PKHD1: variants seen among roughly 807,000 people sequenced by gnomAD.
PKHD1 encodes the protein PKHD1 ciliary IPT domain containing fibrocystin/polyductin.
In PKHD1, 291 loss-of-function variants were observed where a neutral mutation model predicts 412.0. The observed-to-expected ratio is 0.71, with a 90% CI of 0.64 to 0.78. The LOEUF is 0.78. Ranked by LOEUF, PKHD1 falls within the 30% of genes least tolerant of loss-of-function variation. The pLI, the probability that PKHD1 is intolerant of heterozygous loss-of-function variation, is 0.00. For missense variants in PKHD1, 4,825 were observed against 4,950.7 expected, an observed-to-expected ratio of 0.97 and a Z score of 0.76; for synonymous variants, 1,777 against 1,821.5, an observed-to-expected ratio of 0.98 and a Z score of 0.62.
At chr6:51,797,090 A>T (rs1283773540) in intron 52 of PKHD1, among the ~76,000 whole-genome samples, 3 of 152,154 alleles carry the variant, frequency 2.0e-5, no homozygotes, top group Non-Finnish European at 4.4e-5. Flanking sequence ...CTGGGATGAC[A>T]GCTGTGAGCC....
chr6:51,881,508 ATCT>A, intron 46 of PKHD1, among the ~76,000 whole-genome samples: 1 of 152,304 alleles, frequency 6.6e-6, no homozygotes, highest in South Asian at 2.1e-4. Flanking sequence ...TAACCAAATA[ATCT>A]TCTCTTTCCA....
chr6:51,619,423 T>C lies in PKHD1; in HGVS notation c.11883A>G (p.Arg3961=), dbSNP rs1165946143. ...SRRKVSRHIV[R]EEEAAVPAPG... Reference sequence around the variant, plus strand: ...GAGCAGGCACAGCAGCCTCTTCCTCTCGGACAATGTGGCGGCTAACTTTCC... The same window carrying C: ...GAGCAGGCACAGCAGCCTCTTCCTCCCGGACAATGTGGCGGCTAACTTTCC... The change falls in exon 67 of 67, where the codon CGA becomes CGG. Residue 3961 remains arginine, a synonymous_variant. Transcript: ENST00000371117. 5.0e-6 allele frequency: 8 copies of C among 1,613,680 alleles called. No homozygotes were observed. In the African/African-American group the frequency reaches 9.3e-5, roughly 19 times the overall value.
chr6:51,625,941 C>T (rs1167359955), intron 66 of PKHD1, among the ~76,000 whole-genome samples: 3 of 152,170 alleles, frequency 2.0e-5, no homozygotes, highest in Non-Finnish European at 4.4e-5. Flanking sequence ...AATAGCACTC[C>T]CAACCACACC....
intron 52 of PKHD1, among the ~76,000 whole-genome samples, chr6:51,813,328 T>C (rs967904790): frequency 2.0e-5 from 3 of 152,182 alleles, no homozygotes; most frequent in African/African-American, 7.2e-5. Context: ...ATACTGTGCC[T>C]GGAACATTAA....
Position 51,654,279 on chromosome 6 carries a change from A to G in PKHD1, c.11174+4673T>C, listed in dbSNP as rs139168173. 9.9e-5 allele frequency among the ~76,000 whole-genome samples: 15 copies of G among 152,272 alleles called. No individual in the cohort carries two copies. The East Asian group carries it at 2.9e-3, about 29-fold the overall frequency. ...GATTAATGGCTAAGCAGCTTCATAG[A>G]GAATTAATGATTTATTTGTAATAGA... On this transcript the variant is annotated intron_variant, in intron 61 of 66. Coordinates refer to ENST00000371117, the MANE Select transcript of PKHD1 (RefSeq NM_138694.4).
intron 63 of PKHD1, among the ~76,000 whole-genome samples, chr6:51,644,039 C>T (rs1769745563): frequency 1.3e-5 from 2 of 152,056 alleles, no homozygotes; most frequent in African/African-American, 4.8e-5. Context: ...TAAGACGAAG[C>T]AAGCTTTAAA....
rs1309748181 is a variant in PKHD1 at position 51,748,180 on chromosome 6, C to T, written c.9436G>A (p.Gly3146Ser). The change falls in exon 58 of 67, where the codon GGC becomes AGC. Residue 3146 changes from glycine to serine, a missense_variant. Coordinates refer to ENST00000371117, the MANE Select transcript of PKHD1 (RefSeq NM_138694.4). ...SGLDNCTRIS[G>S]FLAFKNFDYG... ...TCAAAGTTCTTGAAAGCCAAGAAGC[C>T]AGAGATTCTGGTACAGTTGTCAAGT... The T allele has an allele frequency of 1.2e-6, 2 of 1,614,076 alleles. No homozygotes were observed. Among genetic ancestry groups the T allele is most frequent in the South Asian group, 1.1e-5 (1 of 91,086 alleles).
Position 52,028,241 on chromosome 6 carries a change from C to T in PKHD1, c.3475G>A (p.Gly1159Ser). 1 of 1,614,142 alleles carries T rather than the reference C, an allele frequency of 6.2e-7. No individual in the cohort carries two copies. The highest frequency in any genetic ancestry group is 1.1e-5 in the South Asian group (1 of 91,084). Residue 1159 changes from glycine (G) to serine (S), a missense_variant, in exon 30 of 67, where the codon GGC becomes AGC. Transcript: ENST00000371117. Reference sequence around the variant, plus strand: ...AGTGGGGGCAGTGCCACCTCCAGGCCCCAAGCCGACTGTGTGTGAACCGGA... The same window carrying T: ...AGTGGGGGCAGTGCCACCTCCAGGCTCCAAGCCGACTGTGTGTGAACCGGA... ...LAPVHTQSAWGLEVALPPLPA... is the reference protein window; with the variant it reads ...LAPVHTQSAWSLEVALPPLPA...
Position 51,659,028 on chromosome 6 carries a change from C to G in PKHD1, c.11098G>C (p.Gly3700Arg), listed in dbSNP as rs930280611. Residue 3700 changes from glycine (G) to arginine (R), a missense_variant, in exon 61 of 67, where the codon GGG (glycine) becomes CGG (arginine). Gly to Arg is a moderately radical substitution (Grantham distance 125, BLOSUM62 -2). Transcript: ENST00000371117. ...ATATTCAGAACATTCTCTAGTACCC[C>G]AGTCTGTTGAGCAGTGATGACTCGA... ...AHRVITAQQT[G>R]VLENVLNMTI... 3 of 1,612,978 alleles carry G rather than the reference C, an allele frequency of 1.9e-6. No individual in the cohort carries two copies. The highest frequency in any genetic ancestry group is 2.2e-5 in the South Asian group (2 of 91,072).
intron 52 of PKHD1, among the ~76,000 whole-genome samples, chr6:51,817,167 A>G (rs566785780): frequency 1.3e-5 from 2 of 151,532 alleles, no homozygotes; most frequent in Admixed American, 6.6e-5. Flanking sequence ...TTTTTTTCCC[A>G]TTTTTCTCTA....
chr6:51,715,188 A>G (rs936799428), intron 60 of PKHD1, among the ~76,000 whole-genome samples: 2 of 151,966 alleles, frequency 1.3e-5, no homozygotes, highest in Non-Finnish European at 2.9e-5. Context: ...TCTGAAAGCA[A>G]CTTCCAAAAC....
At chr6:52,052,098 C>T (rs1806948917) in intron 21 of PKHD1, among the ~76,000 whole-genome samples, 1 of 152,154 alleles carries the variant, frequency 6.6e-6, no homozygotes, top group Admixed American at 6.5e-5. Flanking sequence ...AGGCAAAAGA[C>T]TGAAAAGTTG....
At chr6:51,716,212 G>C (rs1032708045) in intron 60 of PKHD1, among the ~76,000 whole-genome samples, 1 of 152,128 alleles carries the variant, frequency 6.6e-6, no homozygotes, top group Admixed American at 6.5e-5. Flanking sequence ...CTGTGAATAA[G>C]GCTGGCTTTG....
At chr6:51,741,604 G>C (rs1032611024) in intron 60 of PKHD1, among the ~76,000 whole-genome samples, 1 of 152,116 alleles carries the variant, frequency 6.6e-6, no homozygotes, top group Non-Finnish European at 1.5e-5. Flanking sequence ...GGATAATTTG[G>C]GGTGCTGTTC....
chr6:52,016,635 CAAA>C (rs10579713), intron 34 of PKHD1, among the ~76,000 whole-genome samples: 54,081 of 118,664 alleles, frequency 0.46, 11,987 homozygotes, highest in Admixed American at 0.57. Context: ...GACTCTGTCT[CAAA>C]AAAAAAAAAA....
chr6:52,055,091 A>T (rs373397314), intron 19 of PKHD1, among the ~76,000 whole-genome samples: 1 of 152,210 alleles, frequency 6.6e-6, no homozygotes, highest in Non-Finnish European at 1.5e-5. Context: ...TAATGACAAC[A>T]ACTAGAGTAA....
chr6:52,039,871 T>C (rs1432114355), intron 27 of PKHD1, among the ~76,000 whole-genome samples: 1 of 152,180 alleles, frequency 6.6e-6, no homozygotes, highest in Admixed American at 6.5e-5. Context: ...CATGATGAGA[T>C]GGATGGAAAA....
intron 33 of PKHD1, among the ~76,000 whole-genome samples, chr6:52,022,183 G>A (rs1433534618): frequency 3.3e-5 from 5 of 152,132 alleles, no homozygotes; most frequent in East Asian, 3.8e-4. Context: ...ACAAAGACAC[G>A]GCTTCTCATA....
chr6:51,905,073 T>C (rs1223691284), intron 41 of PKHD1, among the ~76,000 whole-genome samples: 2 of 152,212 alleles, frequency 1.3e-5, no homozygotes, highest in African/African-American at 4.8e-5. Flanking sequence ...AGAACTTTTA[T>C]AGCTTTTATC....
Sources: gnomAD v4.1 joint callset for allele counts (sites outside exome capture counted in the v4.1 genomes callset) on GRCh38, gnomAD v4.1.1 for gene constraint, MANE v1.5 for transcripts, NCBI Gene and HGNC (gene_info 2026-07-23, HGNC 2026-07-21) for gene names.